The following ZNF844 variants were observed in gnomAD, a reference collection of about 807,000 sequenced individuals.
ZNF844 encodes zinc finger protein 844.
Under a neutral mutation model 11.4 loss-of-function variants are expected in ZNF844, and 11 were observed. The ratio of observed to expected loss-of-function variants is 0.97; its 90% CI spans 0.61 to 1.60. The LOEUF (loss-of-function observed/expected upper bound fraction) is 1.60, where lower values mean the gene tolerates loss of function less well. Ranked by LOEUF, ZNF844 falls within the 40% of genes most tolerant of loss-of-function variation. ZNF844 has a pLI of 0.00. For missense variants in ZNF844, 790 were observed against 796.8 expected, an observed-to-expected ratio of 0.99 and a Z score of 0.10; for synonymous variants, 248 against 260.3, an observed-to-expected ratio of 0.95 and a Z score of 0.46.
rs1975858624 is a variant in ZNF844 at position 12,078,601 on chromosome 19, T to G, written c.*1480T>G. 1 of 152,238 alleles carries G rather than the reference T, an allele frequency of 6.6e-6. No homozygotes were observed. The highest frequency in any genetic ancestry group is 1.5e-5 in the Non-Finnish European group (1 of 68,048). 9.4% of individuals were successfully genotyped at this position (152,238 alleles called of 1,614,324 possible). A position where few individuals can be genotyped will look rare whatever the true frequency, so the allele number is the denominator to read the frequency against. The stretch of plus-strand genomic sequence containing the variant: ...GTAAATTTTAATTTTCATGCTTATA[T>G]ACTTAGAACATTTATCTTGGTCCTA... On this transcript the variant is annotated 3_prime_UTR_variant, in exon 4 of 4. Transcript: ENST00000439326.
At chr19:12,071,119 T>C (rs1840144401) in intron 1 of ZNF844, among the ~76,000 whole-genome samples, 2 of 152,212 alleles carry the variant, frequency 1.3e-5, no homozygotes, top group South Asian at 4.1e-4. Context: ...TGATGATAAA[T>C]CCTTAAGTTT....
In ZNF844 at chr19:12,075,438, T is replaced by C. The variant is rs1428216554; in HGVS notation, c.318T>C (p.Ser106=). ...TSPGVKSCES[S]VCGEVFVGHS... ...CTGGAGTAAAATCATGTGAAAGCAG[T>C]GTGTGTGGAGAAGTCTTCGTGGGTC... Residue 106 remains serine, a synonymous_variant, in exon 4 of 4, where the codon AGT becomes AGC. Transcript: ENST00000439326. 4.3e-6 allele frequency: 7 copies of C among 1,611,210 alleles called. No individual in the cohort carries two copies. Among genetic ancestry groups the C allele is most frequent in the Non-Finnish European group, 5.9e-6 (7 of 1,178,942 alleles).
Position 12,074,126 on chromosome 19 carries a change from G to A in ZNF844, c.99G>A (p.Met33Ile), listed in dbSNP as rs541439091. ...AGAAGAATCTCTACAGAGAAGTGATGCAGGAAACCTTGAGGAATCTGGCCT... is the reference window on the plus strand; with the variant it reads ...AGAAGAATCTCTACAGAGAAGTGATACAGGAAACCTTGAGGAATCTGGCCT... ...PSQKNLYREV[M>I]QETLRNLASI... The change falls in exon 2 of 4, where the codon ATG (methionine) becomes ATA (isoleucine). Residue 33 changes from methionine (M) to isoleucine (I), a missense_variant. By Grantham distance (10) the Met-to-Ile change is conservative. Transcript: ENST00000439326. 23 of 1,613,816 alleles carry A rather than the reference G, an allele frequency of 1.4e-5. No homozygotes were observed. The East Asian group carries it at 2.9e-4, about 20-fold the overall frequency.
chr19:12,070,851 C>T (rs901523507), intron 1 of ZNF844, among the ~76,000 whole-genome samples: 8 of 151,912 alleles, frequency 5.3e-5, no homozygotes, highest in African/African-American at 1.5e-4. Flanking sequence ...AGCAAGGTAC[C>T]GTAGAGGATG....
At chr19:12,068,474 A>G (rs1315456927) in intron 1 of ZNF844, among the ~76,000 whole-genome samples, 1 of 151,878 alleles carries the variant, frequency 6.6e-6, no homozygotes, top group Non-Finnish European at 1.5e-5. Flanking sequence ...AAAAAAATAT[A>G]TACAAAAATT....
At chr19:12,073,935 A>G (rs1975778585) in intron 1 of ZNF844, 96 bp from the exon 2 acceptor site, 1 of 1,451,230 alleles carries the variant, frequency 6.9e-7, no homozygotes, top group Non-Finnish European at 9.2e-7. Context: ...AAATGTTTGG[A>G]GTCCACAGCA....
At chr19:12,070,873 G>A (rs1243043496) in intron 1 of ZNF844, among the ~76,000 whole-genome samples, 1 of 152,118 alleles carries the variant, frequency 6.6e-6, no homozygotes, top group Non-Finnish European at 1.5e-5. Flanking sequence ...AACTTGGTGA[G>A]GTGTCAAGAG....
intron 1 of ZNF844, among the ~76,000 whole-genome samples, chr19:12,065,636 AT>A (rs35958243): frequency 0.071 from 10,105 of 142,650 alleles, 782 homozygotes; most frequent in African/African-American, 0.19. Context: ...TTTTCTTACA[AT>A]TTTTTTTTTT....
intron 1 of ZNF844, among the ~76,000 whole-genome samples, chr19:12,069,321 T>C (rs979022068): frequency 4.6e-5 from 7 of 151,616 alleles, no homozygotes; most frequent in Admixed American, 2.6e-4. Context: ...TAGCTGGGAT[T>C]ACAGGCGCCC....
chr19:12,080,901 ACAC>A lies in ZNF844; in HGVS notation c.*3787_*3789del, dbSNP rs1434378092. 6.6e-6 allele frequency: 1 copy of A among 152,140 alleles called. No individual in the cohort carries two copies. The highest frequency in any genetic ancestry group is 2.4e-5 in the African/African-American group (1 of 41,426). 9.4% of individuals were successfully genotyped at this position (152,140 alleles called of 1,614,324 possible). A position where few individuals can be genotyped will look rare whatever the true frequency, so the allele number is the denominator to read the frequency against. ...CCTGAGTAGTCAGGATTACAGGTGC[ACAC>A]CACCACGCATGGCTAAATTTTTGTA... On this transcript the variant is annotated 3_prime_UTR_variant, in exon 4 of 4. Transcript: ENST00000439326.
Position 12,080,476 on chromosome 19 carries a change from C to A in ZNF844, c.*3355C>A. On this transcript the variant is annotated 3_prime_UTR_variant, in exon 4 of 4. Transcript: ENST00000439326. ...ATTTCAAAGGCAGACAAGAGGAAGT[C>A]ATCAGTCACATTTTAGAGGCACCAA... 1 of 260,974 alleles carries A rather than the reference C, an allele frequency of 3.8e-6. No individual in the cohort carries two copies. Among genetic ancestry groups the A allele is most frequent in the Non-Finnish European group, 7.5e-6 (1 of 132,512 alleles). 16.2% of individuals were successfully genotyped at this position (260,974 alleles called of 1,614,324 possible).
rs565845440 is a variant in ZNF844 at position 12,076,022 on chromosome 19, G to T, written c.902G>T (p.Arg301Ile). Residue 301 changes from arginine to isoleucine, a missense_variant, in exon 4 of 4, where the codon AGA becomes ATA. Arg to Ile is a moderately conservative substitution (Grantham distance 97, BLOSUM62 -3). Around this residue, in one of 3 missense-constraint regions of ZNF844, gnomAD observed 657 missense variants for 636.2 expected, o/e 1.03. Coordinates refer to ENST00000439326, the MANE Select transcript of ZNF844 (RefSeq NM_001136501.3). ...TTCCATTCCTTTCAAATACATGAAA[G>T]AACTCACAGTGAGGAGAAGGCTTAT... ...RWFHSFQIHE[R>I]THSEEKAYEC... 3.8e-6 allele frequency: 6 copies of T among 1,571,534 alleles called. No individual in the cohort carries two copies. In the African/African-American group the frequency reaches 8.2e-5, roughly 21 times the overall value.
rs1975841671 is a variant in ZNF844 at position 12,077,407 on chromosome 19, T to C, written c.*286T>C. 4.3e-6 allele frequency: 3 copies of C among 696,624 alleles called. No homozygotes were observed. The highest frequency in any genetic ancestry group is 3.9e-5 in the Admixed American group (2 of 51,450). The allele number at this position is 696,624 out of a possible 1,614,324, so 43.2% of individuals were successfully genotyped here. A position where few individuals can be genotyped will look rare whatever the true frequency, so the allele number is the denominator to read the frequency against. On this transcript the variant is annotated 3_prime_UTR_variant, in exon 4 of 4. Transcript: ENST00000439326. ...GAGTGTAAGCAGTGTGGTAAAGCCT[T>C]CATGTCTTCTACTGCATTTCAGTAT...
At chr19:12,066,913 A>G (rs969404092) in intron 1 of ZNF844, among the ~76,000 whole-genome samples, 4 of 152,206 alleles carry the variant, frequency 2.6e-5, no homozygotes, top group African/African-American at 7.2e-5. Flanking sequence ...GGTAAAGACA[A>G]GAGAAGCAGT....
chr19:12,066,675 TA>T (rs1568357120), intron 1 of ZNF844, among the ~76,000 whole-genome samples: 1 of 150,492 alleles, frequency 6.6e-6, no homozygotes, highest in East Asian at 2.0e-4. Context: ...GCCTCCGGAG[TA>T]GCTGGGACTA....
In ZNF844 at chr19:12,077,451, A is replaced by G. The variant is rs10426455; in HGVS notation, c.*330A>G. Reference sequence around the variant, plus strand: ...TCAGTATCATGAAAAGACCCACACCAGAGAGAAACACTATGAATGTAAGCA... The same window carrying G: ...TCAGTATCATGAAAAGACCCACACCGGAGAGAAACACTATGAATGTAAGCA... On this transcript the variant is annotated 3_prime_UTR_variant, in exon 4 of 4. Coordinates refer to ENST00000439326, the MANE Select transcript of ZNF844 (RefSeq NM_001136501.3). 114,711 of 609,100 alleles carry G rather than the reference A, an allele frequency of 0.19. 17,692 individuals are homozygous for G. Among genetic ancestry groups the G allele is most frequent in the African/African-American group, 0.65 (35,142 of 54,238 alleles). 37.7% of individuals were successfully genotyped at this position (609,100 alleles called of 1,614,324 possible). A position where few individuals can be genotyped will look rare whatever the true frequency, so the allele number is the denominator to read the frequency against.
intron 1 of ZNF844, among the ~76,000 whole-genome samples, chr19:12,066,841 C>T (rs1035441315): frequency 1.8e-4 from 28 of 151,986 alleles, no homozygotes; most frequent in Admixed American, 7.9e-4. Flanking sequence ...CCACCTCGCC[C>T]GGCCAAATGT....
chr19:12,068,754 G>A (rs192632227), intron 1 of ZNF844, among the ~76,000 whole-genome samples: 1 of 152,310 alleles, frequency 6.6e-6, no homozygotes, highest in Non-Finnish European at 1.5e-5. Context: ...TTTGTGGTAC[G>A]AAATGCAAAT....
intron 1 of ZNF844, 112 bp downstream of exon 1, chr19:12,064,988 C>A: frequency 8.1e-7 from 1 of 1,239,046 alleles, no homozygotes; most frequent in Non-Finnish European, 1.1e-6. Context: ...CGCGGCGACT[C>A]GAGGTCTGGG....
Sources: gnomAD v4.1 joint callset for allele counts (sites outside exome capture counted in the v4.1 genomes callset) on GRCh38, gnomAD v4.1.1 for gene constraint, gnomAD v4.1.1 regional missense constraint, MANE v1.5 for transcripts, NCBI Gene and HGNC (gene_info 2026-07-23, HGNC 2026-07-21) for gene names.